CD48: variants seen among roughly 807,000 people sequenced by gnomAD.
CD48 encodes CD48 molecule.
A neutral mutation model predicts 22.0 loss-of-function variants in CD48; 20 were observed. The observed-to-expected ratio is 0.91, with a 90% CI of 0.64 to 1.32. CD48 has a LOEUF of 1.32. CD48 is among the 40% of genes most tolerant of loss of function. The probability of loss-of-function intolerance (pLI) is 0.00; values close to 1 mark genes in which losing one functional copy is unlikely to be tolerated. For missense variants in CD48, 307 were observed against 286.5 expected (o/e 1.07, Z -0.52); for synonymous variants, 110 against 110.1 (o/e 1.00, Z 0.01).
Position 160,681,385 on chromosome 1 carries a change from G to C in CD48, c.469C>G (p.Pro157Ala). 6.2e-7 allele frequency: 1 copy of C among 1,614,136 alleles called. No individual in the cohort carries two copies. The highest frequency in any genetic ancestry group is 8.5e-7 in the Non-Finnish European group (1 of 1,180,010). Reference sequence around the variant, plus strand: ...CAGGTGTAGTTTACAGACTCGCCAGGTATCACACATGACAGTTTCAGATAA... The same window carrying C: ...CAGGTGTAGTTTACAGACTCGCCAGCTATCACACATGACAGTTTCAGATAA... Reference protein sequence around the residue: ...NCYLKLSCVIPGESVNYTWYG... With the variant: ...NCYLKLSCVIAGESVNYTWYG... The change falls in exon 3 of 4, where the codon CCT becomes GCT. Residue 157 changes from proline to alanine, a missense_variant. Pro to Ala is a conservative substitution (Grantham distance 27, BLOSUM62 -1). Transcript: ENST00000368046.
intron 1 of CD48, among the ~76,000 whole-genome samples, chr1:160,710,644 C>A (rs757678115): frequency 5.9e-5 from 9 of 152,136 alleles, no homozygotes; most frequent in Non-Finnish European, 1.3e-4. Flanking sequence ...TCACATCAGC[C>A]CCCAATCCCA....
At chr1:160,697,362 T>A (rs1276482350) in intron 1 of CD48, among the ~76,000 whole-genome samples, 1 of 152,308 alleles carries the variant, frequency 6.6e-6, no homozygotes, top group Non-Finnish European at 1.5e-5. Context: ...GATAATCCTA[T>A]AGAAGTATAT....
At chr1:160,681,031 G>T in intron 3 of CD48, 171 bp downstream of exon 3, 1 of 1,478,608 alleles carries the variant, frequency 6.8e-7, no homozygotes. Flanking sequence ...AAGCTGGCTG[G>T]GAGGTGGTGG....
At chr1:160,683,960 A>G (rs1661900732) in intron 2 of CD48, 1 of 152,038 alleles carries the variant, frequency 6.6e-6, no homozygotes. Flanking sequence ...AAATGTTTAG[A>G]TCAGGTACAC....
At chr1:160,679,263 T>C in intron 3 of CD48, 132 bp from the exon 4 acceptor site, 1 of 678,664 alleles carries the variant, frequency 1.5e-6, no homozygotes, top group East Asian at 2.7e-5. Context: ...CTGAATCCCA[T>C]CCTATTTGGC....
chr1:160,707,322 A>G (rs1241207703), intron 1 of CD48, among the ~76,000 whole-genome samples: 2 of 152,158 alleles, frequency 1.3e-5, no homozygotes, highest in Non-Finnish European at 2.9e-5. Flanking sequence ...GAAAAAGTAG[A>G]GAGTATTTTG....
At chr1:160,692,463 A>T (rs1208967070) in intron 1 of CD48, among the ~76,000 whole-genome samples, 1 of 152,172 alleles carries the variant, frequency 6.6e-6, no homozygotes, top group Admixed American at 6.5e-5. Context: ...TGACCGTAAC[A>T]TTACAACCTC....
chr1:160,703,721 GC>G (rs1662705933), intron 1 of CD48, among the ~76,000 whole-genome samples: 2 of 152,244 alleles, frequency 1.3e-5, no homozygotes, highest in South Asian at 4.1e-4. Context: ...ACTGGTAGGG[GC>G]AAAAGGGTGA....
At chr1:160,685,270 G>T in intron 1 of CD48, 81 bp from the exon 2 acceptor site, 1 of 1,013,370 alleles carries the variant, frequency 9.9e-7, no homozygotes, top group African/African-American at 1.6e-5. Flanking sequence ...TGGGCTGGTG[G>T]AACAGGTGAG....
rs538700266 is a variant in CD48 at position 160,690,385 on chromosome 1, C to T, written c.83-5196G>A. ...TGAGTCACATCCATTTGCCATCAAG[C>T]ATTAGGAGTTAGGCCTCTAGGCTTA... On this transcript the variant is annotated intron_variant, in intron 1 of 3. Coordinates refer to ENST00000368046, the MANE Select transcript of CD48 (RefSeq NM_001778.4). Among the ~76,000 whole-genome samples the T allele has an allele frequency of 2.0e-5, 3 of 152,314 alleles. No homozygotes were observed. In the South Asian group the frequency reaches 6.2e-4, roughly 32 times the overall value.
intron 1 of CD48, among the ~76,000 whole-genome samples, chr1:160,693,838 T>G (rs1445838340): frequency 1.3e-5 from 2 of 152,288 alleles, no homozygotes; most frequent in African/African-American, 2.4e-5. Flanking sequence ...ATTCAGCCCT[T>G]TGTTCCTCAG....
chr1:160,687,457 T>C (rs191117389), intron 1 of CD48, among the ~76,000 whole-genome samples: 158 of 152,326 alleles, frequency 1.0e-3, no homozygotes, highest in African/African-American at 3.7e-3. Context: ...TAAGTGTCCA[T>C]GAAATCTTTA....
At chr1:160,694,982 A>G (rs1264235261) in intron 1 of CD48, among the ~76,000 whole-genome samples, 2 of 152,212 alleles carry the variant, frequency 1.3e-5, no homozygotes, top group Non-Finnish European at 2.9e-5. Flanking sequence ...ATGTTAACTG[A>G]CTTAAGGGCT....
intron 1 of CD48, chr1:160,699,744 A>G (rs921653804): frequency 6.6e-6 from 1 of 151,848 alleles, no homozygotes; most frequent in Non-Finnish European, 1.5e-5. Flanking sequence ...CTATGATGCA[A>G]AGACCTTTGT....
At chr1:160,694,065 G>C (rs1448491449) in intron 1 of CD48, among the ~76,000 whole-genome samples, 1 of 152,236 alleles carries the variant, frequency 6.6e-6, no homozygotes. Flanking sequence ...ATCTTGGGAA[G>C]ATCACGTCTA....
At chr1:160,681,105 A>C (rs181648829) in intron 3 of CD48, 97 bp downstream of exon 3, 1 of 1,591,598 alleles carries the variant, frequency 6.3e-7, no homozygotes, top group East Asian at 2.3e-5. Flanking sequence ...TCACCACCAC[A>C]CTGTGCAAGG....
intron 1 of CD48, chr1:160,699,002 G>C (rs540893058): frequency 6.5e-6 from 1 of 153,046 alleles, no homozygotes; most frequent in South Asian, 2.1e-4. Flanking sequence ...CATCGAGAAC[G>C]GGCCATGATG....
At chr1:160,684,411 C>T in intron 2 of CD48, 1 of 229,546 alleles carries the variant, frequency 4.4e-6, no homozygotes, top group Admixed American at 5.2e-5. Context: ...AGTCCTTATT[C>T]CATATACACT....
chr1:160,708,015 A>C (rs2102442336), intron 1 of CD48, among the ~76,000 whole-genome samples: 1 of 152,280 alleles, frequency 6.6e-6, no homozygotes. Flanking sequence ...ATTGGTGATA[A>C]GTGTTAGGAA....
Sources: gnomAD v4.1 joint callset for allele counts (sites outside exome capture counted in the v4.1 genomes callset) on GRCh38, gnomAD v4.1.1 for gene constraint, MANE v1.5 for transcripts, NCBI Gene and HGNC (gene_info 2026-07-23, HGNC 2026-07-21) for gene names.